ARHGAP39: variants seen among roughly 807,000 people sequenced by gnomAD.
ARHGAP39 encodes the protein rho GTPase-activating protein 39.
A neutral mutation model predicts 106.9 loss-of-function variants in ARHGAP39; 44 were observed. The observed-to-expected ratio is 0.41, with a 90% confidence interval of 0.32 to 0.53. The LOEUF (loss-of-function observed/expected upper bound fraction) is 0.53, where lower values mean the gene tolerates loss of function less well. Ranked by LOEUF, ARHGAP39 falls within the 20% of genes least tolerant of loss-of-function variation. The probability of loss-of-function intolerance (pLI) is 0.21; values close to 1 mark genes in which losing one functional copy is unlikely to be tolerated. For synonymous variants in ARHGAP39, 768 were observed against 693.2 expected (o/e 1.11, Z -1.69); for missense variants, 1,496 against 1,577.3 (o/e 0.95, Z 0.87).
At chr8:144,697,319 A>T in the ARHGAP39 span, among the ~76,000 whole-genome samples, 5 of 150,726 alleles carry the variant, frequency 3.3e-5, no homozygotes, top group Admixed American at 1.3e-4. Context: ...CCCTCTCAAA[A>T]AAAAAAAAAA....
intron 2 of ARHGAP39, among the ~76,000 whole-genome samples, chr8:144,605,011 TG>T (rs1386671792): frequency 6.6e-6 from 1 of 152,192 alleles, no homozygotes; most frequent in Non-Finnish European, 1.5e-5. Flanking sequence ...TCTGTGATCC[TG>T]GCACTTTGGG....
intron 6 of ARHGAP39, 32 bp downstream of exon 6, chr8:144,545,217 G>A (rs1406060680): frequency 6.7e-7 from 1 of 1,483,522 alleles, no homozygotes; most frequent in Non-Finnish European, 9.0e-7. Context: ...GCCCTTACCT[G>A]AGCTGGTGGC....
At chr8:144,556,163 T>C (rs972898079) in intron 3 of ARHGAP39, among the ~76,000 whole-genome samples, 1 of 151,254 alleles carries the variant, frequency 6.6e-6, no homozygotes, top group Non-Finnish European at 1.5e-5. Flanking sequence ...CGGGCGCCTG[T>C]AGTCCCAGCT....
intron 1 of ARHGAP39, among the ~76,000 whole-genome samples, chr8:144,660,280 GCTGGCCT>G (rs1187460254): frequency 1.5e-4 from 23 of 152,168 alleles, no homozygotes; most frequent in African/African-American, 5.3e-4. Context: ...ATTCCCTCTT[GCTGGCCT>G]CTGGTTAAAT....
chr8:144,547,015 C>G lies in ARHGAP39; in HGVS notation c.1959+112G>C. 7.6e-7 allele frequency: 1 copy of G among 1,311,776 alleles called. No homozygotes were observed. The highest frequency in any genetic ancestry group is 1.0e-6 in the Non-Finnish European group (1 of 986,202). 81.3% of individuals were successfully genotyped at this position (1,311,776 alleles called of 1,614,324 possible). On this transcript the variant is annotated intron_variant, in intron 5 of 11. Transcript: ENST00000377307. This position sits in a 1 kb window ranked among gnomAD's most constrained non-coding sequence, Gnocchi z 5.2. The stretch of plus-strand genomic sequence containing the variant: ...GGAGACACGGGGCTTCAGAACTCTG[C>G]GTGCTGCGTGCACGCCCTGGACGCC...
At chr8:144,642,978 A>G (rs1408259069) in intron 1 of ARHGAP39, among the ~76,000 whole-genome samples, 1 of 151,638 alleles carries the variant, frequency 6.6e-6, no homozygotes, top group Non-Finnish European at 1.5e-5. Context: ...ACACCACTCC[A>G]CTCCAGTCTG....
At chr8:144,692,955 C>T in the ARHGAP39 span, among the ~76,000 whole-genome samples, 4 of 149,802 alleles carry the variant, frequency 2.7e-5, no homozygotes, top group African/African-American at 9.8e-5. Flanking sequence ...GATGGGGTTT[C>T]ACTGTGTTTC....
chr8:144,529,646 G>C lies in ARHGAP39; in HGVS notation c.*776C>G, dbSNP rs910676164. The C allele has an allele frequency of 6.6e-6, 1 of 152,214 alleles. No homozygotes were observed. The highest frequency in any genetic ancestry group is 2.4e-5 in the African/African-American group (1 of 41,432). The allele number at this position is 152,214 out of a possible 1,614,324, so 9.4% of individuals were successfully genotyped here. On this transcript the variant is annotated 3_prime_UTR_variant, in exon 12 of 12. Coordinates refer to ENST00000377307, the MANE Select transcript of ARHGAP39 (RefSeq NM_025251.3). ...ACGGCTCAGAGATAAATAGCATTTA[G>C]GTTAAAACTATGTCATTAGCAAATT...
At position 144,548,228 on chromosome 8, in the gene ARHGAP39, G is replaced by A; in HGVS notation, c.858C>T (p.Ser286=). The A allele has an allele frequency of 6.2e-7, 1 of 1,606,808 alleles. No homozygotes were observed. The highest frequency in any genetic ancestry group is 8.5e-7 in the Non-Finnish European group (1 of 1,176,130). The change falls in exon 5 of 12, where the codon TCC becomes TCT. Residue 286 remains serine (S), a synonymous_variant. Transcript: ENST00000377307. This position sits in a 1 kb window ranked among gnomAD's most constrained non-coding sequence, Gnocchi z 7.4. Reference sequence around the variant, plus strand: ...GCTTTCGGGGCTGGGCCAGCAGCGGGGAGCTGCTCCCTGGGAGCTCGGCCC... The same window carrying A: ...GCTTTCGGGGCTGGGCCAGCAGCGGAGAGCTGCTCCCTGGGAGCTCGGCCC... ...LKRAELPGSS[S]PLLAQPRKPS...
At chr8:144,699,000 C>A in the ARHGAP39 span, 2 of 398,038 alleles carry the variant, frequency 5.0e-6, no homozygotes, top group Admixed American at 2.9e-5. Flanking sequence ...AGTGGCCCAT[C>A]CATAGCATTC....
chr8:144,564,882 G>T (rs1198753722), intron 3 of ARHGAP39, among the ~76,000 whole-genome samples: 1 of 151,872 alleles, frequency 6.6e-6, no homozygotes, highest in Non-Finnish European at 1.5e-5. Context: ...CAAGATGGGG[G>T]CGAGTCATCT....
chr8:144,618,700 G>A (rs1040870759), intron 1 of ARHGAP39, among the ~76,000 whole-genome samples: 3 of 152,226 alleles, frequency 2.0e-5, no homozygotes, highest in South Asian at 2.1e-4. Flanking sequence ...TGAAGAGGCC[G>A]GGCGCAGGAA....
chr8:144,652,409 G>A (rs1216958947), intron 1 of ARHGAP39, among the ~76,000 whole-genome samples: 2 of 152,104 alleles, frequency 1.3e-5, no homozygotes, highest in Admixed American at 1.3e-4. Context: ...CCATTATTGG[G>A]TATACACCCA....
intron 4 of ARHGAP39, among the ~76,000 whole-genome samples, chr8:144,553,910 G>A (rs1347666815): frequency 1.3e-5 from 2 of 152,272 alleles, no homozygotes; most frequent in Admixed American, 1.3e-4. Context: ...GGAGCCCAAT[G>A]CCCCACACAG....
intron 1 of ARHGAP39, among the ~76,000 whole-genome samples, chr8:144,660,633 C>T (rs1194276873): frequency 3.3e-5 from 5 of 152,206 alleles, no homozygotes; most frequent in East Asian, 1.9e-4. Flanking sequence ...CCCAGACTGA[C>T]TTCCTACTTC....
At chr8:144,621,435 C>T (rs542256519) in intron 1 of ARHGAP39, among the ~76,000 whole-genome samples, 82 of 152,292 alleles carry the variant, frequency 5.4e-4, no homozygotes, top group Non-Finnish European at 9.3e-4. Flanking sequence ...CATATCAACA[C>T]GACAGGGTCC....
Position 144,550,131 on chromosome 8 carries a change from G to A in ARHGAP39, c.597-1642C>T, listed in dbSNP as rs73377649. On this transcript the variant is annotated intron_variant, in intron 4 of 11. Transcript: ENST00000377307. ...CTACAAAAACATAAACCAATTAGCC[G>A]AACATGGTGGTGTGCTCCTGTAGTC... is the stretch of plus-strand genomic sequence containing the variant. 6.9e-3 allele frequency among the ~76,000 whole-genome samples: 1,045 copies of A among 151,898 alleles called. 13 individuals carry two copies. The highest frequency in any genetic ancestry group is 0.023 in the African/African-American group (938 of 41,404).
At chr8:144,609,945 A>G (rs1820432543) in intron 1 of ARHGAP39, among the ~76,000 whole-genome samples, 1 of 152,198 alleles carries the variant, frequency 6.6e-6, no homozygotes, top group Non-Finnish European at 1.5e-5. Context: ...GTGAAGCCAG[A>G]TGGGCATGTA....
the ARHGAP39 span, among the ~76,000 whole-genome samples, chr8:144,695,350 A>G: frequency 6.6e-6 from 1 of 151,422 alleles, no homozygotes; most frequent in Non-Finnish European, 1.5e-5. Flanking sequence ...CTGGGATTAC[A>G]GGTGTGAACC....
Sources: gnomAD v4.1 joint callset for allele counts (sites outside exome capture counted in the v4.1 genomes callset) on GRCh38, gnomAD v4.1.1 for gene constraint, Gnocchi (gnomAD v3.1) non-coding constraint, MANE v1.5 for transcripts, NCBI Gene and HGNC (gene_info 2026-07-23, HGNC 2026-07-21) for gene names.